Variants in SLC12A8 observed in about 807,000 individuals in gnomAD.
The protein encoded by SLC12A8 is cation-chloride cotransporter 9.
Under a neutral mutation model 75.6 loss-of-function variants are expected in SLC12A8, and 69 were observed. The observed-to-expected ratio is 0.91, with a 90% CI of 0.75 to 1.11. SLC12A8 has a LOEUF of 1.11. SLC12A8 is among the 50% of genes most tolerant of loss of function. The pLI is 0.00. For synonymous variants in SLC12A8, 365 were observed against 372.8 expected (o/e 0.98, Z 0.24); for missense variants, 877 against 896.7 (o/e 0.98, Z 0.28).
At chr3:125,107,101 C>T (rs1268433131) in intron 10 of SLC12A8, among the ~76,000 whole-genome samples, 1 of 152,196 alleles carries the variant, frequency 6.6e-6, no homozygotes, top group East Asian at 1.9e-4. Context: ...ACAAAGAAAA[C>T]ATATTGCATC....
intron 5 of SLC12A8, among the ~76,000 whole-genome samples, chr3:125,165,251 T>C (rs1435119644): frequency 6.6e-6 from 1 of 151,806 alleles, no homozygotes; most frequent in Non-Finnish European, 1.5e-5. Flanking sequence ...CGCAAAAGAG[T>C]GTTTCCTCTT....
intron 5 of SLC12A8, among the ~76,000 whole-genome samples, chr3:125,152,984 G>GGT (rs1192506494): frequency 5.3e-5 from 8 of 152,166 alleles, no homozygotes; most frequent in Non-Finnish European, 1.0e-4. Context: ...AGGCGGAACA[G>GGT]GTGTGTGTGC....
At chr3:125,126,692 CT>C (rs1489212104) in intron 6 of SLC12A8, among the ~76,000 whole-genome samples, 1 of 152,226 alleles carries the variant, frequency 6.6e-6, no homozygotes, top group Non-Finnish European at 1.5e-5. Flanking sequence ...ACTACTTACT[CT>C]TTCTCAAGGA....
chr3:125,203,769 T>C (rs1935176081), intron 2 of SLC12A8, among the ~76,000 whole-genome samples: 1 of 152,146 alleles, frequency 6.6e-6, no homozygotes, highest in Non-Finnish European at 1.5e-5. Context: ...GTTTCTGCAC[T>C]GCAAAGGAAA....
chr3:125,204,775 T>C (rs921667802), intron 2 of SLC12A8, among the ~76,000 whole-genome samples: 1 of 152,156 alleles, frequency 6.6e-6, no homozygotes, highest in Non-Finnish European at 1.5e-5. Context: ...AGGTGATGGA[T>C]ACCCCAATTA....
At chr3:125,163,434 C>T (rs816329) in intron 5 of SLC12A8, among the ~76,000 whole-genome samples, 104,598 of 148,896 alleles carry the variant, frequency 0.7, 37,607 homozygotes, top group East Asian at 0.77. Context: ...GGTGAAACCC[C>T]GTCTCTACTA....
rs539458864 is a variant in SLC12A8 at position 125,137,494 on chromosome 3, G to C, written c.623-1712C>G. 3.3e-5 allele frequency among the ~76,000 whole-genome samples: 5 copies of C among 152,364 alleles called. No homozygotes were observed. In the East Asian group the frequency reaches 9.6e-4, roughly 29 times the overall value. On this transcript the variant is annotated intron_variant, in intron 5 of 13. Transcript: ENST00000469902. ...GACCTCACTGATGAGTCTTAAGGAG[G>C]AGAAAACCAGCCCAGCCTGCCTTGG...
At chr3:125,089,327 CAT>C (rs1199327759) in intron 12 of SLC12A8, among the ~76,000 whole-genome samples, 2 of 152,058 alleles carry the variant, frequency 1.3e-5, no homozygotes, top group Non-Finnish European at 2.9e-5. Context: ...AGAAAATAAA[CAT>C]ATTTTATTAA....
intron 8 of SLC12A8, among the ~76,000 whole-genome samples, chr3:125,117,616 A>G (rs1939345488): frequency 6.6e-6 from 1 of 152,020 alleles, no homozygotes; most frequent in Admixed American, 6.6e-5. Flanking sequence ...AAATTAAAAT[A>G]TTAAAATTTA....
chr3:125,193,670 A>G (rs1934950598), intron 2 of SLC12A8, among the ~76,000 whole-genome samples: 1 of 152,190 alleles, frequency 6.6e-6, no homozygotes, highest in South Asian at 2.1e-4. Flanking sequence ...ACATACACAC[A>G]AAGTACTGGA....
At chr3:125,090,381 G>T (rs1322204598) in intron 12 of SLC12A8, among the ~76,000 whole-genome samples, 2 of 152,198 alleles carry the variant, frequency 1.3e-5, no homozygotes, top group African/African-American at 4.8e-5. Flanking sequence ...TAATTGAAAA[G>T]AACATATATT....
intron 2 of SLC12A8, among the ~76,000 whole-genome samples, chr3:125,203,536 A>G (rs1935168464): frequency 6.6e-6 from 1 of 152,234 alleles, no homozygotes; most frequent in Non-Finnish European, 1.5e-5. Flanking sequence ...GTATATCCAC[A>G]TGCAGAAGAA....
At position 125,107,767 on chromosome 3, in the gene SLC12A8, C is replaced by T. The variant is rs1560053474; in HGVS notation, c.1419G>A (p.Glu473=). Residue 473 remains glutamate, a synonymous_variant, in exon 10 of 14, where the codon GAG becomes GAA. Transcript: ENST00000469902. Reference sequence around the variant, plus strand: ...CCTCTCCTTGCCTGGGCTGGCTACTCTCAAGCTTCCTGGTTAGCTGGAGGA... The same window carrying T: ...CCTCTCCTTGCCTGGGCTGGCTACTTTCAAGCTTCCTGGTTAGCTGGAGGA... ...DQLLQLTRKL[E]SSQPRQGEGN... is the part of the protein sequence containing the mutation. 1 of 1,614,194 alleles carries T rather than the reference C, an allele frequency of 6.2e-7. No homozygotes were observed. Among genetic ancestry groups the T allele is most frequent in the Non-Finnish European group, 8.5e-7 (1 of 1,180,026 alleles).
At position 125,083,865 on chromosome 3, in the gene SLC12A8, A is replaced by G. The variant is rs1197235317; in HGVS notation, c.*25T>C. 10 of 1,603,208 alleles carry G rather than the reference A, an allele frequency of 6.2e-6. No individual in the cohort carries two copies. In the East Asian group the frequency reaches 2.3e-4, roughly 36 times the overall value. On this transcript the variant is annotated 3_prime_UTR_variant, in exon 14 of 14. Transcript: ENST00000469902. ...GTCCACTGTACATGGGACAGCTCCA[A>G]AAGAGGAAGGTCCCAGCACTGCATC...
chr3:125,208,789 CACAGAGAGAG>C (rs1935278130), intron 2 of SLC12A8, among the ~76,000 whole-genome samples: 1 of 98,444 alleles, frequency 1.0e-5, no homozygotes, highest in Admixed American at 1.1e-4. Context: ...CACACACACA[CACAGAGAGAG>C]AGAGAGAGAG....
chr3:125,088,631 C>T (rs1938518598), intron 12 of SLC12A8, among the ~76,000 whole-genome samples: 2 of 152,090 alleles, frequency 1.3e-5, no homozygotes, highest in African/African-American at 2.4e-5. Context: ...GGATAAAGTG[C>T]TATAAAGACA....
In SLC12A8 at chr3:125,177,915, G is replaced by A. The variant is rs372006727; in HGVS notation, c.450C>T (p.Gly150=). ...CTCGCACAGCCCAGATATTCCCGAG[G>A]CCCAGCAAATCCGAGATGGATTCAG... ...GFAESISDLL[G]LGNIWAVRGI... The change falls in exon 5 of 14, where the codon GGC becomes GGT. Residue 150 remains glycine, a synonymous_variant. Transcript: ENST00000469902. The A allele has an allele frequency of 8.7e-6, 14 of 1,614,078 alleles. No individual in the cohort carries two copies. In the African/African-American group the frequency reaches 9.3e-5, roughly 11 times the overall value.
chr3:125,143,425 C>G lies in SLC12A8; in HGVS notation c.623-7643G>C, dbSNP rs147577454. On this transcript the variant is annotated intron_variant, in intron 5 of 13. Transcript: ENST00000469902. ...GAAGAGGCCCCCAAAGAGTCCTGGG[C>G]GTGAGCCTGGAGTCTTCCTCGGACC... 1.2e-3 allele frequency among the ~76,000 whole-genome samples: 181 copies of G among 152,342 alleles called. 1 individual carries two copies. The highest frequency in any genetic ancestry group is 1.5e-3 in the Non-Finnish European group (101 of 68,036).
At chr3:125,187,699 C>A (rs572275580) in intron 3 of SLC12A8, among the ~76,000 whole-genome samples, 1 of 152,286 alleles carries the variant, frequency 6.6e-6, no homozygotes, top group South Asian at 2.1e-4. Flanking sequence ...GATGCCCTCA[C>A]GAGGTGCCTC....
Sources: gnomAD v4.1 joint callset for allele counts (sites outside exome capture counted in the v4.1 genomes callset) on GRCh38, gnomAD v4.1.1 for gene constraint, MANE v1.5 for transcripts, NCBI Gene and HGNC (gene_info 2026-07-23, HGNC 2026-07-21) for gene names.